Variants in EFCAB6 observed in about 807,000 individuals in gnomAD.
The protein encoded by EFCAB6 is EF-hand calcium binding domain 6.
In EFCAB6, 156 loss-of-function variants were observed where a neutral mutation model predicts 169.8. The observed-to-expected ratio is 0.92, with a 90% CI of 0.81 to 1.05. EFCAB6 has a LOEUF of 1.05. EFCAB6 is among the 50% of genes least tolerant of loss of function. EFCAB6 has a pLI of 0.00. For synonymous variants in EFCAB6, 698 were observed against 676.4 expected, an observed-to-expected ratio of 1.03 and a Z score of -0.50; for missense variants, 1,800 against 1,829.1, an observed-to-expected ratio of 0.98 and a Z score of 0.29.
At chr22:43,556,499 G>T (rs1464532802) in intron 26 of EFCAB6, among the ~76,000 whole-genome samples, 2 of 152,086 alleles carry the variant, frequency 1.3e-5, no homozygotes, top group African/African-American at 4.8e-5. Context: ...TGTGAGCTTT[G>T]ATACCAGCTC....
intron 2 of EFCAB6, among the ~76,000 whole-genome samples, chr22:43,799,499 G>A (rs2062628432): frequency 6.6e-6 from 1 of 152,156 alleles, no homozygotes; most frequent in Non-Finnish European, 1.5e-5. Flanking sequence ...AATTGATGTT[G>A]TACCAGTGTC....
At chr22:43,574,270 T>C (rs2050088068) in intron 26 of EFCAB6, among the ~76,000 whole-genome samples, 1 of 151,788 alleles carries the variant, frequency 6.6e-6, no homozygotes, top group Non-Finnish European at 1.5e-5. Flanking sequence ...GATACATGAA[T>C]ATATACACAC....
intron 13 of EFCAB6, among the ~76,000 whole-genome samples, chr22:43,675,082 C>T (rs376631061): frequency 2.2e-4 from 33 of 151,478 alleles, no homozygotes; most frequent in African/African-American, 6.5e-4. Context: ...CCTATTCCAA[C>T]GCACTGTCTA....
At chr22:43,626,295 A>T in intron 20 of EFCAB6, 152 bp downstream of exon 20, 2 of 742,674 alleles carry the variant, frequency 2.7e-6, no homozygotes, top group Non-Finnish European at 4.3e-6. Context: ...CACTGAGTGC[A>T]TATTTCTTGT....
intron 17 of EFCAB6, among the ~76,000 whole-genome samples, chr22:43,645,948 G>A (rs1391582763): frequency 6.6e-6 from 1 of 152,134 alleles, no homozygotes; most frequent in Non-Finnish European, 1.5e-5. Context: ...CTAATGCATT[G>A]ACCAGACATG....
intron 16 of EFCAB6, 45 bp downstream of exon 16, chr22:43,668,827 A>AG (rs768022048): frequency 6.7e-7 from 1 of 1,484,616 alleles, no homozygotes; most frequent in South Asian, 1.5e-5. Flanking sequence ...ATTCCATGAC[A>AG]GACACTGTGG....
At chr22:43,625,398 G>A (rs1024259699) in intron 20 of EFCAB6, among the ~76,000 whole-genome samples, 15 of 152,342 alleles carry the variant, frequency 9.8e-5, no homozygotes, top group African/African-American at 2.4e-4. Flanking sequence ...AATTACTCAT[G>A]TAATAATAAT....
In EFCAB6 at chr22:43,580,913, C is replaced by G. The variant is rs148180126; in HGVS notation, c.3033-254G>C. Among the ~76,000 whole-genome samples, 3 of 152,298 alleles carry G rather than the reference C, an allele frequency of 2.0e-5. No homozygotes were observed. In the East Asian group the frequency reaches 5.8e-4, roughly 29 times the overall value. On this transcript the variant is annotated intron_variant, in intron 24 of 31. Coordinates refer to ENST00000262726, the MANE Select transcript of EFCAB6 (RefSeq NM_022785.4). ...TGACGGCCGGAGGGCCACAGCTGCC[C>G]GACCTGAAGACCTGAGGCTTGAAGG...
intron 10 of EFCAB6, among the ~76,000 whole-genome samples, chr22:43,699,399 C>T (rs565736905): frequency 1.3e-5 from 2 of 152,272 alleles, no homozygotes; most frequent in East Asian, 3.9e-4. Flanking sequence ...CCTTTCTTGC[C>T]CCCTCAGGCC....
chr22:43,620,115 C>G (rs763532070), intron 20 of EFCAB6, among the ~76,000 whole-genome samples: 1 of 152,014 alleles, frequency 6.6e-6, no homozygotes, highest in Non-Finnish European at 1.5e-5. Flanking sequence ...CTCAGGAGTT[C>G]GAGACCAGCA....
At chr22:43,568,566 G>C (rs946823406) in intron 26 of EFCAB6, among the ~76,000 whole-genome samples, 1 of 152,154 alleles carries the variant, frequency 6.6e-6, no homozygotes, top group African/African-American at 2.4e-5. Context: ...TAGGAATCAA[G>C]AAGAATCCTG....
intron 22 of EFCAB6, among the ~76,000 whole-genome samples, chr22:43,601,895 C>G (rs145471283): frequency 6.6e-6 from 1 of 152,206 alleles, no homozygotes; most frequent in South Asian, 2.1e-4. Flanking sequence ...CCCTGCAGGT[C>G]CCCACTCCTC....
At chr22:43,599,839 A>T (rs2052361146) in intron 23 of EFCAB6, among the ~76,000 whole-genome samples, 1 of 152,208 alleles carries the variant, frequency 6.6e-6, no homozygotes, top group African/African-American at 2.4e-5. Flanking sequence ...GACCCATAAA[A>T]TATGATGAAT....
chr22:43,724,912 CTG>C (rs2059669360), intron 8 of EFCAB6, among the ~76,000 whole-genome samples: 2 of 152,218 alleles, frequency 1.3e-5, no homozygotes, highest in South Asian at 4.1e-4. Flanking sequence ...CCCCACTTCT[CTG>C]TATCAAGTTT....
intron 20 of EFCAB6, among the ~76,000 whole-genome samples, chr22:43,618,728 G>A (rs1294071778): frequency 1.3e-5 from 2 of 152,116 alleles, no homozygotes; most frequent in African/African-American, 4.8e-5. Context: ...GGGACAGAGT[G>A]GCAGGAATTC....
At chr22:43,533,884 G>T (rs922007603) in intron 30 of EFCAB6, among the ~76,000 whole-genome samples, 20 of 152,218 alleles carry the variant, frequency 1.3e-4, no homozygotes, top group African/African-American at 4.8e-4. Flanking sequence ...GACTGGGCTG[G>T]GCTGGGCTCT....
rs2054699267 is a variant in EFCAB6, at chr22:43,628,609, C to T, written c.2233-1930G>A. Among the ~76,000 whole-genome samples the T allele has an allele frequency of 6.6e-6, 1 of 152,176 alleles. No homozygotes were observed. Among genetic ancestry groups the T allele is most frequent in the African/African-American group, 2.4e-5 (1 of 41,444 alleles). On this transcript the variant is annotated intron_variant, in intron 19 of 31. Transcript: ENST00000262726. This position sits in a 1 kb window ranked among gnomAD's most constrained non-coding sequence, Gnocchi z 4.8. ...AAGCCTGTCTACACCCCCATCCCAC[C>T]CGTCCCCTCACTGTTCTCTGAACAG...
At chr22:43,686,808 A>G (rs1175975441) in intron 11 of EFCAB6, among the ~76,000 whole-genome samples, 1 of 152,204 alleles carries the variant, frequency 6.6e-6, no homozygotes, top group Non-Finnish European at 1.5e-5. Context: ...TTTTTTCTTT[A>G]AGATTCATAG....
At chr22:43,533,674 G>C (rs888367852) in intron 30 of EFCAB6, among the ~76,000 whole-genome samples, 1 of 152,224 alleles carries the variant, frequency 6.6e-6, no homozygotes, top group African/African-American at 2.4e-5. Context: ...CAGGCTGTGG[G>C]CTTTTTGCCC....
Sources: gnomAD v4.1 joint callset for allele counts (sites outside exome capture counted in the v4.1 genomes callset) on GRCh38, gnomAD v4.1.1 for gene constraint, Gnocchi (gnomAD v3.1) non-coding constraint, MANE v1.5 for transcripts, NCBI Gene and HGNC (gene_info 2026-07-23, HGNC 2026-07-21) for gene names.